Variants in TBC1D19 observed in about 807,000 individuals in gnomAD.
TBC1D19 encodes the protein TBC1 domain family, member 19.
In TBC1D19, 60 loss-of-function variants were observed where a neutral mutation model predicts 89.0. That is an observed-to-expected ratio of 0.67 (90% CI 0.55 to 0.84). TBC1D19 has a LOEUF of 0.84. TBC1D19 is among the 40% of genes least tolerant of loss of function. TBC1D19 has a pLI of 0.00. For synonymous variants in TBC1D19, 189 were observed against 199.7 expected, an observed-to-expected ratio of 0.95 and a Z score of 0.45; for missense variants, 500 against 610.8, an observed-to-expected ratio of 0.82 and a Z score of 1.91.
chr4:26,847,329 G>A, the TBC1D19 span, among the ~76,000 whole-genome samples: 1 of 152,222 alleles, frequency 6.6e-6, no homozygotes, highest in African/African-American at 2.4e-5. Context: ...TCTGTGGGTG[G>A]ATGTGAGGGT....
chr4:26,629,720 A>G (rs1307069855), intron 4 of TBC1D19, among the ~76,000 whole-genome samples: 4 of 152,050 alleles, frequency 2.6e-5, no homozygotes, highest in African/African-American at 9.7e-5. Context: ...AAAAGAAACA[A>G]TGTTACATAG....
chr4:26,755,560 A>T lies in TBC1D19; in HGVS notation c.*613A>T, dbSNP rs78602866. On this transcript the variant is annotated 3_prime_UTR_variant, in exon 21 of 21. Transcript: ENST00000264866. ...TCTCTACTGGGGAAGGTCGAATACA[A>T]TTGTCTCCATTTGACAATATTTTAT... Among the ~76,000 whole-genome samples, 983 of 152,250 alleles carry T rather than the reference A, an allele frequency of 6.5e-3. 8 individuals carry two copies. The highest frequency in any genetic ancestry group is 0.022 in the African/African-American group (924 of 41,556).
At chr4:26,802,395 G>T in the TBC1D19 span, among the ~76,000 whole-genome samples, 1 of 152,184 alleles carries the variant, frequency 6.6e-6, no homozygotes, top group African/African-American at 2.4e-5. Context: ...GAAGTCAGGA[G>T]TTTGAGACCA....
the TBC1D19 span, among the ~76,000 whole-genome samples, chr4:26,823,220 G>A: frequency 2.6e-5 from 4 of 152,136 alleles, no homozygotes; most frequent in African/African-American, 9.6e-5. Flanking sequence ...ATCAGATCTC[G>A]TGAAACTTAT....
the TBC1D19 span, among the ~76,000 whole-genome samples, chr4:26,819,809 C>T: frequency 6.6e-6 from 1 of 152,336 alleles, no homozygotes; most frequent in South Asian, 2.1e-4. Context: ...GCCCTGGTCA[C>T]CCATCTACAA....
chr4:26,747,108 G>A (rs1023085002), intron 18 of TBC1D19, among the ~76,000 whole-genome samples: 1 of 152,166 alleles, frequency 6.6e-6, no homozygotes, highest in African/African-American at 2.4e-5. Flanking sequence ...TTGGCTATGG[G>A]TAACTGAAAC....
At chr4:26,776,545 T>C in the TBC1D19 span, among the ~76,000 whole-genome samples, 5 of 152,340 alleles carry the variant, frequency 3.3e-5, no homozygotes, top group East Asian at 7.7e-4. Context: ...GTTCTACAAG[T>C]AATTATATTG....
At chr4:26,718,505 A>G (rs13131355) in intron 14 of TBC1D19, among the ~76,000 whole-genome samples, 55,237 of 151,960 alleles carry the variant, frequency 0.36, 11,341 homozygotes, top group Non-Finnish European at 0.47. Flanking sequence ...CTGAAGATAC[A>G]ATTAACTTCA....
chr4:26,698,364 G>C (rs990939574), intron 13 of TBC1D19, among the ~76,000 whole-genome samples: 2 of 152,038 alleles, frequency 1.3e-5, no homozygotes, highest in African/African-American at 4.8e-5. Flanking sequence ...AATAAAAGAG[G>C]ATATAAACAA....
rs185009703 is a variant in TBC1D19, at chr4:26,624,505, C to T, written c.294+3817C>T. ...GATTACAGGCGTGAGCCACTATGCC[C>T]GGCCTATTATAGTAATTTCTGTATA... On this transcript the variant is annotated intron_variant, in intron 4 of 20. Transcript: ENST00000264866. Among the ~76,000 whole-genome samples, 141 of 152,096 alleles carry T rather than the reference C, an allele frequency of 9.3e-4. 1 individual carries two copies. The Middle Eastern group carries it at 0.01, about 11-fold the overall frequency.
At chr4:26,673,559 G>T (rs1712530320) in intron 10 of TBC1D19, among the ~76,000 whole-genome samples, 1 of 150,924 alleles carries the variant, frequency 6.6e-6, no homozygotes, top group Non-Finnish European at 1.5e-5. Flanking sequence ...ATCCACACTG[G>T]GTAGGAGGTG....
the TBC1D19 span, among the ~76,000 whole-genome samples, chr4:26,769,837 C>T: frequency 3.4e-4 from 51 of 152,082 alleles, no homozygotes; most frequent in Middle Eastern, 6.8e-3. Context: ...CATGAGACAC[C>T]AAGTCCAGCC....
intron 11 of TBC1D19, among the ~76,000 whole-genome samples, chr4:26,675,701 T>C (rs1488195190): frequency 6.6e-6 from 1 of 152,154 alleles, no homozygotes; most frequent in Non-Finnish European, 1.5e-5. Context: ...AATTTTTTGT[T>C]GAATCGCTTT....
At chr4:26,787,681 G>A in the TBC1D19 span, among the ~76,000 whole-genome samples, 14 of 152,128 alleles carry the variant, frequency 9.2e-5, no homozygotes, top group African/African-American at 3.1e-4. Flanking sequence ...GTCAAGTCAC[G>A]AGATTTGGCT....
At chr4:26,797,585 A>AAAG in the TBC1D19 span, among the ~76,000 whole-genome samples, 1 of 152,248 alleles carries the variant, frequency 6.6e-6, no homozygotes, top group African/African-American at 2.4e-5. Flanking sequence ...CCGAATAGCC[A>AAAG]AAGTAATCCT....
the TBC1D19 span, among the ~76,000 whole-genome samples, chr4:26,787,280 T>G: frequency 6.6e-6 from 1 of 152,010 alleles, no homozygotes; most frequent in African/African-American, 2.4e-5. Context: ...TTTTTGTATT[T>G]TAATAGAGAC....
chr4:26,807,762 GAAGACATACTTATTTACAGAAC>G, the TBC1D19 span, among the ~76,000 whole-genome samples: 5 of 152,194 alleles, frequency 3.3e-5, no homozygotes. Context: ...GCCATGGGTT[GAAGACATACTTATTTACAGAAC>G]ATATCAGGTT....
Position 26,754,985 on chromosome 4 carries a change from A to G in TBC1D19, c.*38A>G. 6.4e-7 allele frequency: 1 copy of G among 1,563,450 alleles called. No individual in the cohort carries two copies. The highest frequency in any genetic ancestry group is 8.7e-7 in the Non-Finnish European group (1 of 1,155,014). The stretch of plus-strand genomic sequence containing the variant: ...TCACTGGCAACACATCTAGTTTTTC[A>G]TTAGAAACAAATCATGAACTATGCA... On this transcript the variant is annotated 3_prime_UTR_variant, in exon 21 of 21. Coordinates refer to ENST00000264866, the MANE Select transcript of TBC1D19 (RefSeq NM_018317.4).
At chr4:26,670,157 C>G (rs546408762) in intron 9 of TBC1D19, among the ~76,000 whole-genome samples, 1 of 151,330 alleles carries the variant, frequency 6.6e-6, no homozygotes, top group Non-Finnish European at 1.5e-5. Flanking sequence ...TCTCAGAAAT[C>G]ATAGCTGATT....
Sources: gnomAD v4.1 joint callset for allele counts (sites outside exome capture counted in the v4.1 genomes callset) on GRCh38, gnomAD v4.1.1 for gene constraint, MANE v1.5 for transcripts, NCBI Gene and HGNC (gene_info 2026-07-23, HGNC 2026-07-21) for gene names.